The following CBR4 variants were observed in gnomAD, a reference collection of about 807,000 sequenced individuals.
The protein encoded by CBR4 is 3-oxoacyl-[acyl-carrier-protein] reductase.
A neutral mutation model predicts 21.0 loss-of-function variants in CBR4; 22 were observed. The ratio of observed to expected loss-of-function variants is 1.05; its 90% CI spans 0.75 to 1.50. CBR4 has a LOEUF of 1.50. Ranked by LOEUF, CBR4 falls within the 40% of genes most tolerant of loss-of-function variation. The probability of loss-of-function intolerance (pLI) is 0.00; values close to 1 mark genes in which losing one functional copy is unlikely to be tolerated. For missense variants in CBR4, 302 were observed against 286.3 expected (o/e 1.05, Z -0.40); for synonymous variants, 100 against 104.4 (o/e 0.96, Z 0.26).
intron 3 of CBR4, among the ~76,000 whole-genome samples, chr4:169,005,569 C>T (rs1039481028): frequency 6.6e-6 from 1 of 151,802 alleles, no homozygotes; most frequent in Non-Finnish European, 1.5e-5. Flanking sequence ...TTAAATACAC[C>T]TAAAAAAAAG....
intron 2 of CBR4, among the ~76,000 whole-genome samples, chr4:168,953,559 G>A (rs1763605427): frequency 6.6e-6 from 1 of 151,532 alleles, no homozygotes; most frequent in Non-Finnish European, 1.5e-5. Context: ...CCAAGTAGCT[G>A]GGACCACAGC....
At chr4:168,926,284 C>T in intron 2 of CBR4, 2 of 1,537,194 alleles carry the variant, frequency 1.3e-6, no homozygotes, top group Non-Finnish European at 1.7e-6. Flanking sequence ...CTATGCAGCA[C>T]TTTCGGACCA....
intron 2 of CBR4, among the ~76,000 whole-genome samples, chr4:168,958,232 C>G (rs545570543): frequency 1.2e-3 from 178 of 151,964 alleles, no homozygotes; most frequent in African/African-American, 3.8e-3. Context: ...CCACTGTACT[C>G]CAGCCTGGGT....
At chr4:168,911,843 T>C (rs1039798357) in intron 2 of CBR4, among the ~76,000 whole-genome samples, 3 of 152,220 alleles carry the variant, frequency 2.0e-5, no homozygotes, top group African/African-American at 7.2e-5. Context: ...GTGTTTTAAC[T>C]ATGACCTCAA....
At chr4:168,985,372 TTAAAAAAGC>T (rs1297600166), downstream of CBR4, among the ~76,000 whole-genome samples, 2 of 152,128 alleles carry the variant, frequency 1.3e-5, no homozygotes, top group Non-Finnish European at 2.9e-5. Flanking sequence ...TTGGCTATTA[TTAAAAAAGC>T]TAAAAAACAA....
At chr4:168,980,221 T>C (rs1018209533) in intron 2 of CBR4, among the ~76,000 whole-genome samples, 2 of 151,306 alleles carry the variant, frequency 1.3e-5, no homozygotes, top group Non-Finnish European at 2.9e-5. Context: ...TCTGCAGCAC[T>C]CAAGTGGGAG....
intron 2 of CBR4, among the ~76,000 whole-genome samples, chr4:168,925,685 A>G (rs1473291850): frequency 1.3e-5 from 2 of 152,204 alleles, no homozygotes; most frequent in Non-Finnish European, 2.9e-5. Flanking sequence ...ATTGACATAA[A>G]AAAAACACTA....
At chr4:168,900,648 C>T (rs759237657) in intron 2 of CBR4, among the ~76,000 whole-genome samples, 7 of 152,108 alleles carry the variant, frequency 4.6e-5, no homozygotes, top group South Asian at 2.1e-4. Context: ...TGAATCGCAA[C>T]GCCAAAGTCA....
At chr4:168,965,950 T>C (rs1764011701) in intron 2 of CBR4, among the ~76,000 whole-genome samples, 1 of 151,864 alleles carries the variant, frequency 6.6e-6, no homozygotes, top group African/African-American at 2.4e-5. Flanking sequence ...ATCATCAGAG[T>C]GAACAGGCAA....
chr4:168,994,395 A>T (rs966668973), intron 4 of CBR4, among the ~76,000 whole-genome samples: 25 of 152,306 alleles, frequency 1.6e-4, no homozygotes, highest in Middle Eastern at 3.4e-3. Flanking sequence ...TGGCCATCAC[A>T]AACAGGTCAC....
At chr4:168,938,619 A>G (rs1169137474) in intron 2 of CBR4, among the ~76,000 whole-genome samples, 1 of 152,224 alleles carries the variant, frequency 6.6e-6, no homozygotes, top group Non-Finnish European at 1.5e-5. Context: ...AAAAAATGAC[A>G]CAGGGGATAT....
At chr4:168,951,701 G>C (rs931311344) in intron 2 of CBR4, among the ~76,000 whole-genome samples, 7 of 152,164 alleles carry the variant, frequency 4.6e-5, no homozygotes, top group African/African-American at 1.7e-4. Flanking sequence ...CAAAATTCTT[G>C]GCTGATAATT....
At chr4:168,917,123 A>G (rs1582163908) in intron 2 of CBR4, among the ~76,000 whole-genome samples, 1 of 141,070 alleles carries the variant, frequency 7.1e-6, no homozygotes, top group South Asian at 2.2e-4. Context: ...ATCTCAGCTC[A>G]CTGCAGCTTC....
chr4:168,990,096 T>TA lies in CBR4; in HGVS notation c.*53dup, dbSNP rs1388310999. 54 of 1,446,682 alleles carry TA rather than the reference T, an allele frequency of 3.7e-5. 3 individuals are homozygous for TA. In the South Asian group the frequency reaches 4.7e-4, roughly 12 times the overall value. 89.6% of individuals were successfully genotyped at this position (1,446,682 alleles called of 1,614,324 possible). A position where few individuals can be genotyped will look rare whatever the true frequency, so the allele number is the denominator to read the frequency against. On this transcript the variant is annotated 3_prime_UTR_variant, in exon 5 of 5. Coordinates refer to ENST00000306193, the MANE Select transcript of CBR4 (RefSeq NM_032783.5). ...CATGTAGGTATAATTGTCTAATCAGTAGCCAAAGTGTGCCCTTGATGCTAA... is the reference window on the plus strand; with the variant it reads ...CATGTAGGTATAATTGTCTAATCAGTAAGCCAAAGTGTGCCCTTGATGCTAA...
intron 2 of CBR4, among the ~76,000 whole-genome samples, chr4:168,899,708 G>C (rs901185748): frequency 8.5e-5 from 13 of 152,096 alleles, no homozygotes; most frequent in African/African-American, 2.9e-4. Context: ...CCTGAGCTCA[G>C]GAGTTCGAGA....
At chr4:169,007,486 G>A (rs891854004) in intron 2 of CBR4, 150 bp downstream of exon 2, 12 of 425,632 alleles carry the variant, frequency 2.8e-5, no homozygotes, top group Admixed American at 4.5e-5. Flanking sequence ...CAATATAAAG[G>A]AAAATAATTT....
intron 4 of CBR4, among the ~76,000 whole-genome samples, chr4:168,997,279 A>C (rs1218945403): frequency 6.6e-6 from 1 of 152,232 alleles, no homozygotes; most frequent in Non-Finnish European, 1.5e-5. Flanking sequence ...TGAAATGACA[A>C]GCATTAAACC....
intron 2 of CBR4, among the ~76,000 whole-genome samples, chr4:168,952,919 G>A (rs28696372): frequency 0.011 from 1,730 of 152,326 alleles, 47 homozygotes; most frequent in African/African-American, 0.039. Flanking sequence ...GCTCTTTCCA[G>A]AGGGCATCAG....
At chr4:168,949,295 A>C (rs1763475700) in intron 2 of CBR4, among the ~76,000 whole-genome samples, 1 of 152,176 alleles carries the variant, frequency 6.6e-6, no homozygotes, top group Non-Finnish European at 1.5e-5. Flanking sequence ...GAGGTAAACA[A>C]TCATATCGTC....
Sources: allele counts gnomAD v4.1 joint callset (sites outside exome capture counted in the v4.1 genomes callset), GRCh38; gene constraint gnomAD v4.1.1; transcripts MANE v1.5; gene names NCBI Gene and HGNC (gene_info 2026-07-23, HGNC 2026-07-21).